The following TTC28 variants were observed in gnomAD, a reference collection of about 807,000 sequenced individuals.
TTC28 encodes tetratricopeptide repeat protein 28.
In TTC28, 61 loss-of-function variants were observed where a neutral mutation model predicts 198.0. That is an observed-to-expected ratio of 0.31 (90% CI 0.25 to 0.38). The LOEUF (loss-of-function observed/expected upper bound fraction) is 0.38, where lower values mean the gene tolerates loss of function less well. Ranked by LOEUF, TTC28 falls within the 10% of genes least tolerant of loss-of-function variation. TTC28 has a pLI of 1.00. For synonymous variants in TTC28, 1,171 were observed against 1,297.8 expected, an observed-to-expected ratio of 0.90 and a Z score of 2.10; for missense variants, 2,678 against 3,164.0, an observed-to-expected ratio of 0.85 and a Z score of 3.69.
intron 2 of TTC28, among the ~76,000 whole-genome samples, chr22:28,315,881 G>C (rs1373994335): frequency 1.3e-5 from 2 of 152,160 alleles, no homozygotes; most frequent in African/African-American, 4.8e-5. Flanking sequence ...GATGAGGTTG[G>C]AGTGAAAGTT....
chr22:28,170,357 C>T (rs775749257), intron 5 of TTC28, among the ~76,000 whole-genome samples: 5 of 151,656 alleles, frequency 3.3e-5, no homozygotes, highest in Non-Finnish European at 5.9e-5. Flanking sequence ...GGCGTGGTTG[C>T]GGGCACCTGT....
intron 2 of TTC28, among the ~76,000 whole-genome samples, chr22:28,477,386 G>T (rs916628303): frequency 6.6e-6 from 1 of 152,050 alleles, no homozygotes; most frequent in Admixed American, 6.5e-5. Context: ...GACATTGAAT[G>T]AATTAGCCTA....
chr22:28,030,142 G>T, intron 13 of TTC28, 84 bp downstream of exon 13: 15 of 1,499,096 alleles, frequency 1.0e-5, no homozygotes, highest in South Asian at 5.3e-5. Flanking sequence ...TAACCAGCTG[G>T]AAGGAGCATC....
chr22:28,107,536 T>C lies in TTC28; in HGVS notation c.2309A>G (p.Tyr770Cys). The change falls in exon 7 of 23, where the codon TAT becomes TGT. Residue 770 changes from tyrosine (Y) to cysteine (C), a missense_variant. Around this residue, in one of 8 missense-constraint regions of TTC28, gnomAD observed 775 missense variants for 845.9 expected, o/e 0.92. Coordinates refer to ENST00000397906, the MANE Select transcript of TTC28 (RefSeq NM_001145418.2). ...LGTAYRMIQK[Y>C]DKALGYHTQE... ...TGTGTGATAACCCAGGGCCTTGTCATACTTCTGGATCATTCGGTATGCAGT... is the reference window on the plus strand; with the variant it reads ...TGTGTGATAACCCAGGGCCTTGTCACACTTCTGGATCATTCGGTATGCAGT... The C allele has an allele frequency of 1.9e-6, 3 of 1,551,906 alleles. No individual in the cohort carries two copies. The highest frequency in any genetic ancestry group is 2.6e-6 in the Non-Finnish European group (3 of 1,147,042).
intron 12 of TTC28, among the ~76,000 whole-genome samples, chr22:28,089,140 T>G (rs1941727106): frequency 6.6e-6 from 1 of 152,204 alleles, no homozygotes; most frequent in South Asian, 2.1e-4. Context: ...GAAATACCAT[T>G]TGACCCAGCC....
intron 6 of TTC28, among the ~76,000 whole-genome samples, chr22:28,109,397 A>G (rs1942420453): frequency 6.6e-6 from 1 of 152,252 alleles, no homozygotes; most frequent in African/African-American, 2.4e-5. Context: ...AAGTATGTCC[A>G]TACACACGGA....
intron 5 of TTC28, among the ~76,000 whole-genome samples, chr22:28,177,836 T>C (rs549121231): frequency 6.6e-6 from 1 of 152,226 alleles, no homozygotes; most frequent in Non-Finnish European, 1.5e-5. Flanking sequence ...AGTTCAGCAG[T>C]TGCAAGGGAG....
At chr22:28,237,834 T>G (rs1446095591) in intron 5 of TTC28, among the ~76,000 whole-genome samples, 1 of 152,212 alleles carries the variant, frequency 6.6e-6, no homozygotes, top group Non-Finnish European at 1.5e-5. Flanking sequence ...TTGCTGAAAA[T>G]GTTGACTTCA....
At chr22:28,404,286 A>T (rs2046965421) in intron 2 of TTC28, among the ~76,000 whole-genome samples, 1 of 151,820 alleles carries the variant, frequency 6.6e-6, no homozygotes, top group African/African-American at 2.4e-5. Flanking sequence ...CGCCCGGCTA[A>T]TTTTTGTATT....
chr22:28,168,882 G>A (rs1206034167), intron 5 of TTC28, among the ~76,000 whole-genome samples: 3 of 152,112 alleles, frequency 2.0e-5, no homozygotes, highest in African/African-American at 7.2e-5. Flanking sequence ...AGAGTGAACA[G>A]GCACCCTACA....
chr22:28,653,368 T>G (rs1320706388), intron 1 of TTC28, among the ~76,000 whole-genome samples: 1 of 151,890 alleles, frequency 6.6e-6, no homozygotes, highest in Non-Finnish European at 1.5e-5. Context: ...GCCAGGAATG[T>G]GGTGTGAGTC....
chr22:28,090,797 C>T (rs755796888), intron 12 of TTC28, among the ~76,000 whole-genome samples: 18 of 152,140 alleles, frequency 1.2e-4, no homozygotes, highest in Non-Finnish European at 2.5e-4. Flanking sequence ...AGACACGAAT[C>T]GCTCTCACAA....
chr22:28,241,399 T>C (rs1416813979), intron 5 of TTC28, among the ~76,000 whole-genome samples: 1 of 152,082 alleles, frequency 6.6e-6, no homozygotes, highest in Non-Finnish European at 1.5e-5. Flanking sequence ...TAATCCTGGA[T>C]TGGATCCTGG....
intron 6 of TTC28, among the ~76,000 whole-genome samples, chr22:28,131,092 C>A (rs1943050417): frequency 6.6e-6 from 1 of 152,190 alleles, no homozygotes; most frequent in South Asian, 2.1e-4. Context: ...AAGCATGTAT[C>A]TCAGTGCTAG....
chr22:28,399,400 T>C (rs2046869164), intron 2 of TTC28, among the ~76,000 whole-genome samples: 1 of 150,900 alleles, frequency 6.6e-6, no homozygotes, highest in Non-Finnish European at 1.5e-5. Context: ...CGTTGCAGTC[T>C]TGACCTCCCA....
intron 2 of TTC28, among the ~76,000 whole-genome samples, chr22:28,562,634 A>G (rs2049904249): frequency 6.6e-6 from 1 of 152,196 alleles, no homozygotes; most frequent in African/African-American, 2.4e-5. Context: ...TGAAAAAAAA[A>G]GAAATGTAGT....
chr22:28,478,548 T>G (rs11913989), intron 2 of TTC28, among the ~76,000 whole-genome samples: 101 of 151,334 alleles, frequency 6.7e-4, no homozygotes, highest in African/African-American at 2.2e-3. Flanking sequence ...CTTTTAGACA[T>G]GCATGTTGAA....
At chr22:28,371,996 G>A (rs951829795) in intron 2 of TTC28, among the ~76,000 whole-genome samples, 1 of 151,930 alleles carries the variant, frequency 6.6e-6, no homozygotes, top group Non-Finnish European at 1.5e-5. Context: ...GGCTAAGGTG[G>A]GAGGATTGCT....
At chr22:28,397,801 A>G (rs2046840798) in intron 2 of TTC28, among the ~76,000 whole-genome samples, 1 of 152,334 alleles carries the variant, frequency 6.6e-6, no homozygotes, top group Non-Finnish European at 1.5e-5. Context: ...TCTTTCTCCT[A>G]CAAAATACAG....
Sources: allele counts gnomAD v4.1 joint callset (sites outside exome capture counted in the v4.1 genomes callset), GRCh38; gene constraint gnomAD v4.1.1; regional missense constraint gnomAD v4.1.1; transcripts MANE v1.5; gene names NCBI Gene and HGNC (gene_info 2026-07-23, HGNC 2026-07-21).